Variants in EDN3 observed in about 807,000 individuals in gnomAD.
EDN3 encodes endothelin 3, also known as endothelin-3.
In EDN3, 9 loss-of-function variants were observed where a neutral mutation model predicts 21.4. The ratio of observed to expected loss-of-function variants is 0.42; its 90% CI spans 0.25 to 0.73. The LOEUF is 0.73. Ranked by LOEUF, EDN3 falls within the 30% of genes least tolerant of loss-of-function variation. EDN3 has a pLI of 0.26. For synonymous variants in EDN3, 133 were observed against 126.2 expected (o/e 1.05, Z -0.36); for missense variants, 327 against 309.4 (o/e 1.06, Z -0.43).
intron 2 of EDN3, among the ~76,000 whole-genome samples, chr20:59,310,211 C>T (rs936069845): frequency 5.9e-5 from 9 of 152,180 alleles, no homozygotes; most frequent in Admixed American, 1.3e-4. Flanking sequence ...GGCACCACCC[C>T]GCGTTCCAGT....
In EDN3 at chr20:59,306,870, C is replaced by T. The variant is rs117411328; in HGVS notation, c.365+5148C>T. On this transcript the variant is annotated intron_variant, in intron 2 of 4. Transcript: ENST00000337938. ...CCGATAAAAGTCACCCTGGGCCAGGCGCGGTGGCTCACACCTATAAACCCA... is the reference window on the plus strand; with the variant it reads ...CCGATAAAAGTCACCCTGGGCCAGGTGCGGTGGCTCACACCTATAAACCCA... 7.4e-4 allele frequency among the ~76,000 whole-genome samples: 112 copies of T among 152,190 alleles called. No individual in the cohort carries two copies. The East Asian group carries it at 0.02, about 28-fold the overall frequency.
At chr20:59,320,846 G>A (rs950801480) in intron 2 of EDN3, among the ~76,000 whole-genome samples, 171 bp from the exon 3 acceptor site, 9 of 152,188 alleles carry the variant, frequency 5.9e-5, no homozygotes. Flanking sequence ...GGCAGGGGGT[G>A]CACAGTTCAC....
At position 59,324,605 on chromosome 20, in the gene EDN3, C is replaced by T. The variant is rs11570352; in HGVS notation, c.*146C>T. 2.6e-3 allele frequency: 2,899 copies of T among 1,104,232 alleles called. 103 individuals are homozygous for T. The East Asian group carries it at 0.059, about 22-fold the overall frequency. 68.4% of individuals were successfully genotyped at this position (1,104,232 alleles called of 1,614,324 possible). A position where few individuals can be genotyped will look rare whatever the true frequency, so the allele number is the denominator to read the frequency against. On this transcript the variant is annotated 3_prime_UTR_variant, in exon 5 of 5. Coordinates refer to ENST00000337938, the MANE Select transcript of EDN3 (RefSeq NM_207034.3). ...GAGTCCCCACTTAACAATACCCCCC[C>T]CCCACGGCAAGAATGCCCAAATCCG...
At chr20:59,321,281 A>G in intron 3 of EDN3, 88 bp downstream of exon 3, 1 of 1,443,614 alleles carries the variant, frequency 6.9e-7, no homozygotes, top group Non-Finnish European at 9.7e-7. Context: ...AGGAGGGTGT[A>G]GGATAGTTCA....
At chr20:59,304,804 C>G (rs750632517) in intron 2 of EDN3, among the ~76,000 whole-genome samples, 2 of 152,182 alleles carry the variant, frequency 1.3e-5, no homozygotes, top group African/African-American at 2.4e-5. Context: ...CCCTTTAGCC[C>G]TCCTGCTTTT....
chr20:59,307,287 T>C (rs1989497843), intron 2 of EDN3, among the ~76,000 whole-genome samples: 1 of 112,656 alleles, frequency 8.9e-6, no homozygotes, highest in Admixed American at 8.5e-5. Flanking sequence ...TAATCATGGA[T>C]GGTGAGGATG....
Position 59,322,526 on chromosome 20 carries a change from A to C in EDN3, c.588+109A>C. ...GAGGGGATGGCATCTGGTCTGGTCCAGTGGGAACCCCAGATCTCATGGGAT... is the reference window on the plus strand; with the variant it reads ...GAGGGGATGGCATCTGGTCTGGTCCCGTGGGAACCCCAGATCTCATGGGAT... On this transcript the variant is annotated intron_variant, in intron 4 of 4. Coordinates refer to ENST00000337938, the MANE Select transcript of EDN3 (RefSeq NM_207034.3). The surrounding 1 kb of genome is among the most constrained non-coding windows in gnomAD (Gnocchi z 4.1). The C allele has an allele frequency of 1.4e-6, 2 of 1,438,780 alleles. No homozygotes were observed. Among genetic ancestry groups the C allele is most frequent in the Non-Finnish European group, 9.7e-7 (1 of 1,028,226 alleles). 89.1% of individuals were successfully genotyped at this position (1,438,780 alleles called of 1,614,324 possible). A position where few individuals can be genotyped will look rare whatever the true frequency, so the allele number is the denominator to read the frequency against.
At position 59,322,819 on chromosome 20, in the gene EDN3, G is replaced by A. The variant is rs1432306319; in HGVS notation, c.588+402G>A. On this transcript the variant is annotated intron_variant, in intron 4 of 4. Transcript: ENST00000337938. The surrounding 1 kb of genome is among the most constrained non-coding windows in gnomAD (Gnocchi z 4.1). ...TTCGCCTCTGCTTCCTTAGCAACAT[G>A]TGGTCTTTCTCGTCAAAAAAATCAT... Among the ~76,000 whole-genome samples the A allele has an allele frequency of 1.3e-5, 2 of 152,194 alleles. No homozygotes were observed. Among genetic ancestry groups the A allele is most frequent in the South Asian group, 2.1e-4 (1 of 4,832 alleles).
intron 4 of EDN3, 121 bp from the exon 5 acceptor site, chr20:59,324,210 A>T (rs1600763776): frequency 7.9e-7 from 1 of 1,273,798 alleles, no homozygotes; most frequent in East Asian, 2.3e-5. Context: ...AGTTCCAATC[A>T]GGGAACAGGC....
At chr20:59,319,492 A>T (rs1420968438) in intron 2 of EDN3, among the ~76,000 whole-genome samples, 1 of 152,188 alleles carries the variant, frequency 6.6e-6, no homozygotes. Flanking sequence ...CAGGCGGATC[A>T]CAAGGTCAAG....
intron 2 of EDN3, 94 bp from the exon 3 acceptor site, chr20:59,320,923 T>C (rs1990492890): frequency 6.5e-6 from 9 of 1,395,022 alleles, no homozygotes; most frequent in African/African-American, 1.4e-5. Context: ...CTGAGACCTT[T>C]TCAGCCAGGC....
intron 2 of EDN3, among the ~76,000 whole-genome samples, chr20:59,313,704 T>C (rs1989986853): frequency 6.6e-6 from 1 of 152,244 alleles, no homozygotes; most frequent in African/African-American, 2.4e-5. Context: ...TCCTCCCAAC[T>C]TTAAGCCGTG....
intron 2 of EDN3, among the ~76,000 whole-genome samples, chr20:59,319,807 T>C (rs1990415273): frequency 6.6e-6 from 1 of 151,900 alleles, no homozygotes; most frequent in Non-Finnish European, 1.5e-5. Context: ...AGGACTCCCT[T>C]TGAAGTGGAT....
At chr20:59,309,623 A>G (rs1406398747) in intron 2 of EDN3, among the ~76,000 whole-genome samples, 1 of 152,048 alleles carries the variant, frequency 6.6e-6, no homozygotes, top group African/African-American at 2.4e-5. Context: ...CCCTCACATA[A>G]CCATTTCTAT....
In EDN3 at chr20:59,324,614, A is replaced by C; in HGVS notation, c.*155A>C. Reference sequence around the variant, plus strand: ...CTTAACAATACCCCCCCCCCACGGCAAGAATGCCCAAATCCGAATGACCCC... The same window carrying C: ...CTTAACAATACCCCCCCCCCACGGCCAGAATGCCCAAATCCGAATGACCCC... On this transcript the variant is annotated 3_prime_UTR_variant, in exon 5 of 5. Transcript: ENST00000337938. 9.8e-7 allele frequency: 1 copy of C among 1,017,462 alleles called. No individual in the cohort carries two copies. The highest frequency in any genetic ancestry group is 1.5e-6 in the Non-Finnish European group (1 of 686,210). 63.0% of individuals were successfully genotyped at this position (1,017,462 alleles called of 1,614,324 possible).
chr20:59,323,456 C>G (rs139949222), intron 4 of EDN3, among the ~76,000 whole-genome samples: 1 of 152,216 alleles, frequency 6.6e-6, no homozygotes, highest in Non-Finnish European at 1.5e-5. Context: ...GCACCTGCTA[C>G]GGGCTGGGCA....
At chr20:59,319,437 G>A (rs1990386567) in intron 2 of EDN3, among the ~76,000 whole-genome samples, 1 of 152,206 alleles carries the variant, frequency 6.6e-6, no homozygotes, top group Non-Finnish European at 1.5e-5. Flanking sequence ...GAGGGGCTGG[G>A]CATGGTGGCT....
At chr20:59,315,717 G>A (rs1020976942) in intron 2 of EDN3, among the ~76,000 whole-genome samples, 1 of 152,164 alleles carries the variant, frequency 6.6e-6, no homozygotes. Flanking sequence ...TAAAAAAGAT[G>A]AGCGAAGGGG....
intron 2 of EDN3, among the ~76,000 whole-genome samples, chr20:59,308,587 T>A (rs1416008149): frequency 6.6e-6 from 1 of 152,160 alleles, no homozygotes; most frequent in Non-Finnish European, 1.5e-5. Flanking sequence ...AGTGTCCCCA[T>A]CTAGAGAGTG....
Sources: gnomAD v4.1 joint callset for allele counts (sites outside exome capture counted in the v4.1 genomes callset) on GRCh38, gnomAD v4.1.1 for gene constraint, Gnocchi (gnomAD v3.1) non-coding constraint, MANE v1.5 for transcripts, NCBI Gene and HGNC (gene_info 2026-07-23, HGNC 2026-07-21) for gene names.